The following NSD2 variants were observed in gnomAD, a reference collection of about 807,000 sequenced individuals.
NSD2 encodes histone-lysine N-methyltransferase NSD2.
In NSD2, 12 loss-of-function variants were observed where a neutral mutation model predicts 139.0. The observed-to-expected ratio is 0.09, with a 90% CI of 0.06 to 0.14. The LOEUF (loss-of-function observed/expected upper bound fraction) is 0.14, where lower values mean the gene tolerates loss of function less well. Among genes scored for constraint, NSD2 ranks in the 10% least tolerant of loss-of-function variants. NSD2 has a pLI of 1.00. For synonymous variants in NSD2, 669 were observed against 648.7 expected (o/e 1.03, Z -0.48); for missense variants, 1,155 against 1,745.0 (o/e 0.66, Z 6.02).
chr4:1,890,495 G>T (rs539670675), intron 1 of NSD2, among the ~76,000 whole-genome samples: 2 of 151,892 alleles, frequency 1.3e-5, no homozygotes, highest in South Asian at 2.1e-4. Context: ...TAGAGACAGG[G>T]TTTCACTGTG....
intron 1 of NSD2, among the ~76,000 whole-genome samples, chr4:1,888,224 C>G (rs1454262586): frequency 6.6e-6 from 1 of 151,862 alleles, no homozygotes; most frequent in African/African-American, 2.4e-5. Context: ...ACCAGCCTGG[C>G]CAACATGGTG....
chr4:1,927,421 A>G (rs1182837243), intron 5 of NSD2, among the ~76,000 whole-genome samples: 3 of 152,094 alleles, frequency 2.0e-5, no homozygotes, highest in Non-Finnish European at 4.4e-5. Context: ...AAAACTCTAA[A>G]AAGATGTTGG....
At position 1,974,620 on chromosome 4, in the gene NSD2, T is replaced by C; in HGVS notation, c.3373-243T>C. ...GAGGATGCTGGGAGCTCCAGCTCCC[T>C]GTCCTGTCCTCCCCGGCGCTCACTA... is the stretch of plus-strand genomic sequence containing the variant. On this transcript the variant is annotated intron_variant, in intron 18 of 21. Transcript: ENST00000508803. The surrounding 1 kb of genome is among the most constrained non-coding windows in gnomAD (Gnocchi z 4.0). The C allele has an allele frequency of 1.5e-6, 1 of 662,598 alleles. No homozygotes were observed. Among genetic ancestry groups the C allele is most frequent in the South Asian group, 1.5e-5 (1 of 68,160 alleles). 41.0% of individuals were successfully genotyped at this position (662,598 alleles called of 1,614,324 possible). A position where few individuals can be genotyped will look rare whatever the true frequency, so the allele number is the denominator to read the frequency against.
At chr4:1,968,491 G>A (rs1276285980) in intron 18 of NSD2, among the ~76,000 whole-genome samples, 2 of 152,160 alleles carry the variant, frequency 1.3e-5, no homozygotes, top group African/African-American at 2.4e-5. Flanking sequence ...GTCTACATGG[G>A]AAACTGCTAA....
intron 5 of NSD2, among the ~76,000 whole-genome samples, chr4:1,921,374 A>T (rs1720096183): frequency 6.6e-6 from 1 of 152,032 alleles, no homozygotes; most frequent in Non-Finnish European, 1.5e-5. Flanking sequence ...CAGGAGAATT[A>T]CTTGAACCCA....
Position 1,948,158 on chromosome 4 carries a change from CTT to C in NSD2, c.1882-2912_1882-2911del. Reference sequence around the variant, plus strand: ...GAAAGTATTTTCAGACTGAAGAAAACTTTGAAAAGTCAGGAGCTAAGCTGCTC... The same window carrying C: ...GAAAGTATTTTCAGACTGAAGAAAACTGAAAAGTCAGGAGCTAAGCTGCTC... On this transcript the variant is annotated intron_variant, in intron 9 of 21. Coordinates refer to ENST00000508803, the MANE Select transcript of NSD2 (RefSeq NM_001042424.3). The surrounding 1 kb of genome is among the most constrained non-coding windows in gnomAD (Gnocchi z 4.5). 9.4e-7 allele frequency: 1 copy of C among 1,062,626 alleles called. No homozygotes were observed. The highest frequency in any genetic ancestry group is 1.1e-6 in the Non-Finnish European group (1 of 877,376). 65.8% of individuals were successfully genotyped at this position (1,062,626 alleles called of 1,614,324 possible).
At chr4:1,896,053 G>C (rs1366895949) in intron 1 of NSD2, among the ~76,000 whole-genome samples, 1 of 152,246 alleles carries the variant, frequency 6.6e-6, no homozygotes. Flanking sequence ...TCAGGACATG[G>C]AGTGAGGATG....
At chr4:1,926,471 T>A (rs1054623757) in intron 5 of NSD2, among the ~76,000 whole-genome samples, 1 of 151,478 alleles carries the variant, frequency 6.6e-6, no homozygotes, top group Non-Finnish European at 1.5e-5. Flanking sequence ...ATTTTTAATT[T>A]TTTTTATTTT....
intron 9 of NSD2, chr4:1,946,074 A>T (rs548180171): frequency 3.2e-4 from 326 of 1,030,976 alleles, no homozygotes; most frequent in Middle Eastern, 1.4e-3. Context: ...TTAGTTTTTT[A>T]AAAAAAATCT....
At chr4:1,909,497 G>A (rs1404284454) in intron 3 of NSD2, among the ~76,000 whole-genome samples, 1 of 152,168 alleles carries the variant, frequency 6.6e-6, no homozygotes, top group Non-Finnish European at 1.5e-5. Flanking sequence ...ACCCCATGAT[G>A]AGAATGAGAC....
intron 3 of NSD2, among the ~76,000 whole-genome samples, chr4:1,915,275 C>G (rs2108795124): frequency 6.6e-6 from 1 of 152,032 alleles, no homozygotes; most frequent in Admixed American, 6.6e-5. Context: ...ACCACCATGC[C>G]TGGCTAATTT....
intron 21 of NSD2, among the ~76,000 whole-genome samples, chr4:1,978,267 T>A (rs1727327167): frequency 6.6e-6 from 1 of 152,116 alleles, no homozygotes; most frequent in Non-Finnish European, 1.5e-5. Context: ...GCCAGAAAGA[T>A]GAATACCCAA....
intron 1 of NSD2, chr4:1,892,736 T>C (rs1715689080): frequency 6.6e-6 from 1 of 151,996 alleles, no homozygotes; most frequent in Non-Finnish European, 1.5e-5. Context: ...GCCTGGCTAA[T>C]TTTTTGTATC....
intron 7 of NSD2, among the ~76,000 whole-genome samples, chr4:1,936,897 A>AT (rs1722468378): frequency 6.6e-6 from 1 of 152,074 alleles, no homozygotes; most frequent in Non-Finnish European, 1.5e-5. Flanking sequence ...GCCCTGCGCC[A>AT]TTTTTCTGGC....
intron 9 of NSD2, chr4:1,940,214 T>C: frequency 9.3e-7 from 1 of 1,079,394 alleles, no homozygotes; most frequent in Non-Finnish European, 1.1e-6. Flanking sequence ...TCCTGTTGCT[T>C]CCAGACCTAG....
At chr4:1,896,558 G>T (rs1329363028) in intron 1 of NSD2, among the ~76,000 whole-genome samples, 2 of 152,108 alleles carry the variant, frequency 1.3e-5, no homozygotes, top group African/African-American at 4.8e-5. Context: ...TAGAGACAGG[G>T]TCTCACTATG....
rs751878561 is a variant in NSD2 at position 1,953,466 on chromosome 4, C to G, written c.2280C>G (p.Pro760=). 1 of 1,614,128 alleles carries G rather than the reference C, an allele frequency of 6.2e-7. No homozygotes were observed. Among genetic ancestry groups the G allele is most frequent in the Non-Finnish European group, 8.5e-7 (1 of 1,180,040 alleles). ...TTGAGAGCCGAGGTTTCCGCTGCCC[C>G]CTCCACAGCTGTGTGAGCTGCCATG... The part of the protein sequence containing the change: ...TVFESRGFRC[P]LHSCVSCHAS... The change falls in exon 12 of 22, where the codon CCC becomes CCG. Residue 760 remains proline (P), a synonymous_variant. Coordinates refer to ENST00000508803, the MANE Select transcript of NSD2 (RefSeq NM_001042424.3).
intron 1 of NSD2, among the ~76,000 whole-genome samples, chr4:1,896,065 G>A (rs1716249349): frequency 6.6e-6 from 1 of 152,254 alleles, no homozygotes; most frequent in African/African-American, 2.4e-5. Flanking sequence ...GTGAGGATGA[G>A]TGGTAGAGGC....
intron 11 of NSD2, chr4:1,952,611 C>T (rs1052260027): frequency 5.2e-6 from 4 of 768,406 alleles, no homozygotes; most frequent in South Asian, 8.4e-5. Context: ...GGTTGGTCAC[C>T]GAACACTGAA....
Sources: gnomAD v4.1 joint callset for allele counts (sites outside exome capture counted in the v4.1 genomes callset) on GRCh38, gnomAD v4.1.1 for gene constraint, Gnocchi (gnomAD v3.1) non-coding constraint, MANE v1.5 for transcripts, NCBI Gene and HGNC (gene_info 2026-07-23, HGNC 2026-07-21) for gene names.